INSR: variants seen among roughly 807,000 people sequenced by gnomAD.
INSR encodes the protein IR.
INSR carries 67 observed loss-of-function variants against 142.6 expected under a neutral mutation model. The ratio of observed to expected loss-of-function variants is 0.47; its 90% CI spans 0.39 to 0.58. INSR has a LOEUF of 0.58. INSR is among the 20% of genes least tolerant of loss of function. The pLI, the probability that INSR is intolerant of heterozygous loss-of-function variation, is 0.00. For missense variants in INSR, 1,248 were observed against 1,833.2 expected, an observed-to-expected ratio of 0.68 and a Z score of 5.83; for synonymous variants, 756 against 743.1, an observed-to-expected ratio of 1.02 and a Z score of -0.28.
chr19:7,196,738 T>TA (rs977969271), intron 2 of INSR, among the ~76,000 whole-genome samples: 30 of 150,552 alleles, frequency 2.0e-4, no homozygotes, highest in South Asian at 1.7e-3. Context: ...TTCCGAAGTT[T>TA]AAAAAAAACT....
intron 9 of INSR, among the ~76,000 whole-genome samples, chr19:7,153,668 T>C (rs1030299543): frequency 6.6e-6 from 1 of 152,066 alleles, no homozygotes; most frequent in Non-Finnish European, 1.5e-5. Flanking sequence ...CAGTGAGCTA[T>C]GATTGCACCC....
At position 7,231,201 on chromosome 19, in the gene INSR, G is replaced by C. The variant is rs185027006; in HGVS notation, c.652+36144C>G. Among the ~76,000 whole-genome samples, 128 of 152,334 alleles carry C rather than the reference G, an allele frequency of 8.4e-4. 1 individual carries two copies. The highest frequency in any genetic ancestry group is 1.5e-3 in the Non-Finnish European group (103 of 68,032). ...AACATTCTGGCAGCTCAGCAAAGAG[G>C]GGGGAAGAATTAATTTCGGATCCTG... On this transcript the variant is annotated intron_variant, in intron 2 of 21. Coordinates refer to ENST00000302850, the MANE Select transcript of INSR (RefSeq NM_000208.4).
intron 9 of INSR, among the ~76,000 whole-genome samples, chr19:7,160,084 T>C (rs1395730056): frequency 6.6e-6 from 1 of 151,946 alleles, no homozygotes; most frequent in Non-Finnish European, 1.5e-5. Context: ...GGATCGCTTG[T>C]GGTCAGGAGT....
At chr19:7,209,954 A>G (rs1975224373) in intron 2 of INSR, among the ~76,000 whole-genome samples, 2 of 152,156 alleles carry the variant, frequency 1.3e-5, no homozygotes, top group Admixed American at 6.6e-5. Flanking sequence ...AGGGCTGGAA[A>G]TGTCTATTGG....
chr19:7,166,490 C>T lies in INSR; in HGVS notation c.1611-86G>A. ...GCAGATGAGGCCTGGGAAGTTACAT[C>T]CCATAGGGTCACATGTTACTCACCC... On this transcript the variant is annotated intron_variant, in intron 7 of 21. Coordinates refer to ENST00000302850, the MANE Select transcript of INSR (RefSeq NM_000208.4). This position sits in a 1 kb window ranked among gnomAD's most constrained non-coding sequence, Gnocchi z 4.1. 1 of 1,422,170 alleles carries T rather than the reference C, an allele frequency of 7.0e-7. No individual in the cohort carries two copies. Among genetic ancestry groups the T allele is most frequent in the Non-Finnish European group, 9.7e-7 (1 of 1,028,218 alleles). The allele number at this position is 1,422,170 out of a possible 1,614,324, so 88.1% of individuals were successfully genotyped here. A position where few individuals can be genotyped will look rare whatever the true frequency, so the allele number is the denominator to read the frequency against.
rs1344123779 is a variant in INSR at position 7,119,616 on chromosome 19, A to C, written c.3660-33T>G. On this transcript the variant is annotated intron_variant, in intron 20 of 21. Transcript: ENST00000302850. The surrounding 1 kb of genome is among the most constrained non-coding windows in gnomAD (Gnocchi z 5.2). The stretch of plus-strand genomic sequence containing the variant: ...TGACAGTTGATAGTAGTAACAAAGA[A>C]GCCATTTAGACACACACACACACGC... 2 of 1,612,540 alleles carry C rather than the reference A, an allele frequency of 1.2e-6. No homozygotes were observed. Among genetic ancestry groups the C allele is most frequent in the Non-Finnish European group, 1.7e-6 (2 of 1,179,750 alleles).
chr19:7,278,623 T>C (rs1229752909), intron 1 of INSR, among the ~76,000 whole-genome samples: 6 of 150,780 alleles, frequency 4.0e-5, no homozygotes, highest in South Asian at 4.2e-4. Flanking sequence ...CTTTGGGAGG[T>C]CAAGGGGGGT....
Position 7,179,918 on chromosome 19 carries a change from A to G in INSR, c.974+4398T>C, listed in dbSNP as rs545810491. Among the ~76,000 whole-genome samples, 81 of 152,254 alleles carry G rather than the reference A, an allele frequency of 5.3e-4. 1 individual carries two copies. The highest frequency in any genetic ancestry group is 1.8e-3 in the African/African-American group (73 of 41,546). On this transcript the variant is annotated intron_variant, in intron 3 of 21. Coordinates refer to ENST00000302850, the MANE Select transcript of INSR (RefSeq NM_000208.4). ...CTTGGCCATATGGCTTGCTTTGGCC[A>G]ATGGAATATTTGCAAACGTGATACA...
chr19:7,143,115 G>A (rs754519238), intron 11 of INSR, 25 bp from the exon 12 acceptor site: 1 of 1,613,482 alleles, frequency 6.2e-7, no homozygotes, highest in South Asian at 1.1e-5. Context: ...GGACATGTAT[G>A]ATGACACCAT....
intron 9 of INSR, among the ~76,000 whole-genome samples, chr19:7,158,384 C>T (rs964917211): frequency 3.3e-5 from 5 of 152,006 alleles, no homozygotes. Flanking sequence ...GCCTGTAGTC[C>T]CAGCTACTCG....
At chr19:7,255,095 C>T (rs1976849145) in intron 2 of INSR, among the ~76,000 whole-genome samples, 1 of 150,370 alleles carries the variant, frequency 6.7e-6, no homozygotes, top group Non-Finnish European at 1.5e-5. Context: ...CTTCACCACT[C>T]AAGATTTAGA....
At chr19:7,142,672 G>A (rs945629140) in intron 12 of INSR, 144 bp downstream of exon 12, 8 of 1,004,268 alleles carry the variant, frequency 8.0e-6, no homozygotes, top group South Asian at 2.8e-5. Flanking sequence ...CAGCCTGGGC[G>A]ACAGAGCAAG....
At chr19:7,215,011 C>CA (rs996396323) in intron 2 of INSR, among the ~76,000 whole-genome samples, 19 of 151,970 alleles carry the variant, frequency 1.3e-4, no homozygotes, top group African/African-American at 3.9e-4. Flanking sequence ...GGCTGGAGTG[C>CA]AGTGGTGCAA....
At chr19:7,247,450 G>T (rs925098365) in intron 2 of INSR, among the ~76,000 whole-genome samples, 1 of 149,858 alleles carries the variant, frequency 6.7e-6, no homozygotes, top group Non-Finnish European at 1.5e-5. Context: ...CCTCTTTGTT[G>T]TGATCAACTT....
At chr19:7,126,937 T>C (rs1972661190) in intron 15 of INSR, among the ~76,000 whole-genome samples, 1 of 152,178 alleles carries the variant, frequency 6.6e-6, no homozygotes, top group African/African-American at 2.4e-5. Flanking sequence ...AGTCTTGCTC[T>C]GTTGTGGCTG....
chr19:7,122,772 T>C lies in INSR; in HGVS notation c.3371A>G (p.Asn1124Ser), dbSNP rs1972524932. ...YLRSLRPEAE[N>S]NPGRPPPTLQ... is the part of the protein sequence containing the mutation. ...GGTAGGGGGAGGGCGGCCAGGATTATTCTAAAACAGAAACACGGGGTTGGT... is the reference window on the plus strand; with the variant it reads ...GGTAGGGGGAGGGCGGCCAGGATTACTCTAAAACAGAAACACGGGGTTGGT... Residue 1124 changes from asparagine to serine, a missense_variant and splice_region_variant, in exon 19 of 22, where the codon AAT becomes AGT. Coordinates refer to ENST00000302850, the MANE Select transcript of INSR (RefSeq NM_000208.4). 1 of 1,614,022 alleles carries C rather than the reference T, an allele frequency of 6.2e-7. No individual in the cohort carries two copies. Among genetic ancestry groups the C allele is most frequent in the Admixed American group, 1.7e-5 (1 of 60,002 alleles).
chr19:7,170,345 T>G (rs755457287), intron 6 of INSR, among the ~76,000 whole-genome samples, 192 bp downstream of exon 6: 1 of 151,830 alleles, frequency 6.6e-6, no homozygotes, highest in Non-Finnish European at 1.5e-5. Flanking sequence ...TCCCATTGAT[T>G]CTACATGATG....
chr19:7,129,391 CT>C (rs1260229449), intron 14 of INSR, among the ~76,000 whole-genome samples: 1 of 152,196 alleles, frequency 6.6e-6, no homozygotes, highest in Non-Finnish European at 1.5e-5. Flanking sequence ...GTGGCACGAT[CT>C]CGGCTCACTG....
rs938649399 is a variant in INSR, at chr19:7,267,280, A to G, written c.652+65T>C. 3.2e-6 allele frequency: 5 copies of G among 1,558,312 alleles called. No homozygotes were observed. The highest frequency in any genetic ancestry group is 3.5e-6 in the Non-Finnish European group (4 of 1,131,084). ...GACCATTTAACATTTTTAAGCCATA[A>G]AACATTTTAAGCTTTCTAGAACAAG... On this transcript the variant is annotated intron_variant, in intron 2 of 21. Transcript: ENST00000302850. This position sits in a 1 kb window ranked among gnomAD's most constrained non-coding sequence, Gnocchi z 6.3.
Sources: allele counts gnomAD v4.1 joint callset (sites outside exome capture counted in the v4.1 genomes callset), GRCh38; gene constraint gnomAD v4.1.1; non-coding constraint Gnocchi (gnomAD v3.1); transcripts MANE v1.5; gene names NCBI Gene and HGNC (gene_info 2026-07-23, HGNC 2026-07-21).